The following HYAL4 variants were observed in gnomAD, a reference collection of about 807,000 sequenced individuals.
The protein encoded by HYAL4 is hyaluronidase-4.
Under a neutral mutation model 35.2 loss-of-function variants are expected in HYAL4, and 37 were observed. The observed-to-expected ratio is 1.05, with a 90% CI of 0.81 to 1.38. HYAL4 has a LOEUF of 1.38. Ranked by LOEUF, HYAL4 falls within the 40% of genes most tolerant of loss-of-function variation. The pLI is 0.00. For missense variants in HYAL4, 572 were observed against 572.4 expected (o/e 1.00, Z 0.01); for synonymous variants, 198 against 203.2 (o/e 0.97, Z 0.22).
chr7:123,781,910 T>C, the HYAL4 span, among the ~76,000 whole-genome samples: 3,449 of 152,268 alleles, frequency 0.023, 58 homozygotes, highest in Non-Finnish European at 0.034. Context: ...AATTCCTTTA[T>C]GAAGCTTTTT....
chr7:123,804,641 C>T, the HYAL4 span, among the ~76,000 whole-genome samples: 1 of 152,156 alleles, frequency 6.6e-6, no homozygotes, highest in Admixed American at 6.5e-5. Flanking sequence ...CCCACACATA[C>T]ATTCCATGTG....
intron 2 of HYAL4, among the ~76,000 whole-genome samples, chr7:123,852,262 T>A (rs1806321997): frequency 6.6e-6 from 1 of 152,244 alleles, no homozygotes; most frequent in Non-Finnish European, 1.5e-5. Flanking sequence ...ATTTGTCAAT[T>A]TTGGCTTTTG....
intron 1 of HYAL4, among the ~76,000 whole-genome samples, chr7:123,847,426 T>C (rs1437612381): frequency 6.6e-6 from 1 of 152,172 alleles, no homozygotes; most frequent in Non-Finnish European, 1.5e-5. Context: ...TACCTAATAC[T>C]CTATTCAACG....
the HYAL4 span, among the ~76,000 whole-genome samples, chr7:123,788,116 G>A: frequency 3.3e-5 from 5 of 152,124 alleles, no homozygotes; most frequent in African/African-American, 4.8e-5. Flanking sequence ...CCTGGAGTTC[G>A]AGACTAGCCT....
chr7:123,783,785 T>A, the HYAL4 span, among the ~76,000 whole-genome samples: 4 of 152,222 alleles, frequency 2.6e-5, no homozygotes, highest in Non-Finnish European at 5.9e-5. Flanking sequence ...ATGATTTTAA[T>A]GACTAGACTT....
chr7:123,811,856 G>C, the HYAL4 span, among the ~76,000 whole-genome samples: 1 of 151,726 alleles, frequency 6.6e-6, no homozygotes, highest in South Asian at 2.1e-4. Flanking sequence ...TGTTGTTGTT[G>C]TCGGAGAGGG....
At position 123,830,990 on chromosome 7, in the gene HYAL4, G is replaced by A. The variant is rs553963780; in HGVS notation, c.-257+1866G>A. Among the ~76,000 whole-genome samples, 5 of 152,132 alleles carry A rather than the reference G, an allele frequency of 3.3e-5. No individual in the cohort carries two copies. In the South Asian group the frequency reaches 1.0e-3, roughly 32 times the overall value. ...TTTTTCTAGAATACTAGTTTGTTCT[G>A]CACTTTCAATGGTTTGGCAATGGTT... On this transcript the variant is annotated intron_variant, in intron 1 of 4. Transcript: ENST00000489978.
chr7:123,819,739 T>C, the HYAL4 span, among the ~76,000 whole-genome samples: 1 of 151,976 alleles, frequency 6.6e-6, no homozygotes, highest in Non-Finnish European at 1.5e-5. Flanking sequence ...ATCTAAAAAA[T>C]TAGACTAAAA....
At chr7:123,854,766 A>T (rs10231235) in intron 2 of HYAL4, among the ~76,000 whole-genome samples, 20,992 of 152,060 alleles carry the variant, frequency 0.14, 1,530 homozygotes, top group African/African-American at 0.16. Context: ...GTTTAAGTCC[A>T]GAATATCCTT....
chr7:123,795,914 C>T, the HYAL4 span, among the ~76,000 whole-genome samples: 1 of 152,154 alleles, frequency 6.6e-6, no homozygotes, highest in African/African-American at 2.4e-5. Context: ...AAGATTCTTA[C>T]CCCAATGGAG....
At chr7:123,869,686 G>GTT (rs113461247) in intron 3 of HYAL4, among the ~76,000 whole-genome samples, 1 of 141,056 alleles carries the variant, frequency 7.1e-6, no homozygotes. Context: ...TCTTTGTTTT[G>GTT]TTTTTTTTTT....
the HYAL4 span, among the ~76,000 whole-genome samples, chr7:123,813,055 TTGGGGTGCTA>T: frequency 6.6e-6 from 1 of 152,154 alleles, no homozygotes; most frequent in African/African-American, 2.4e-5. Flanking sequence ...CTTTACAAAC[TTGGGGTGCTA>T]TGTTGTGAGA....
intron 2 of HYAL4, among the ~76,000 whole-genome samples, chr7:123,859,355 G>T (rs995366059): frequency 6.6e-6 from 1 of 152,006 alleles, no homozygotes; most frequent in Non-Finnish European, 1.5e-5. Flanking sequence ...ATAATTCACC[G>T]GTATTGTGCA....
chr7:123,864,240 T>C (rs1392119208), intron 2 of HYAL4, among the ~76,000 whole-genome samples: 1 of 152,212 alleles, frequency 6.6e-6, no homozygotes, highest in African/African-American at 2.4e-5. Context: ...GAGTATGTCA[T>C]TTCATTGAAA....
intron 1 of HYAL4, chr7:123,829,373 A>G (rs1043675001): frequency 2.4e-4 from 36 of 152,132 alleles, no homozygotes; most frequent in African/African-American, 7.0e-4. Flanking sequence ...TTTAGCCCTT[A>G]CTACAATGCC....
intron 2 of HYAL4, among the ~76,000 whole-genome samples, chr7:123,862,796 G>A (rs1012584172): frequency 2.6e-5 from 4 of 152,146 alleles, no homozygotes; most frequent in Non-Finnish European, 5.9e-5. Flanking sequence ...CCTCAACACA[G>A]CAGCCAGAGG....
the HYAL4 span, among the ~76,000 whole-genome samples, chr7:123,771,804 G>GT: frequency 0.33 from 45,627 of 136,710 alleles, 7,808 homozygotes; most frequent in Middle Eastern, 0.49. Flanking sequence ...TTGGTTTGAG[G>GT]TTTTTTTTTT....
chr7:123,784,476 G>A, the HYAL4 span, among the ~76,000 whole-genome samples: 83 of 152,286 alleles, frequency 5.5e-4, no homozygotes, highest in African/African-American at 1.7e-3. Flanking sequence ...CTGACACAGA[G>A]TCCTTGGAAA....
chr7:123,857,999 C>A (rs1806493687), intron 2 of HYAL4, among the ~76,000 whole-genome samples: 3 of 151,942 alleles, frequency 2.0e-5, no homozygotes, highest in African/African-American at 4.8e-5. Context: ...GAGTTCGAGA[C>A]CAGCCTGGGC....
Sources: allele counts gnomAD v4.1 joint callset (sites outside exome capture counted in the v4.1 genomes callset), GRCh38; gene constraint gnomAD v4.1.1; transcripts MANE v1.5; gene names NCBI Gene and HGNC (gene_info 2026-07-23, HGNC 2026-07-21).